BUD13: variants seen among roughly 807,000 people sequenced by gnomAD.
The protein encoded by BUD13 is BUD13 spliceosome associated protein, also known as BUD13 homolog.
A neutral mutation model predicts 62.5 loss-of-function variants in BUD13; 47 were observed. The observed-to-expected ratio is 0.75, with a 90% confidence interval of 0.60 to 0.96. The LOEUF is 0.96. Ranked by LOEUF, BUD13 falls within the 40% of genes least tolerant of loss-of-function variation. The pLI is 0.00. For synonymous variants in BUD13, 293 were observed against 280.1 expected, an observed-to-expected ratio of 1.05 and a Z score of -0.46; for missense variants, 821 against 790.9, an observed-to-expected ratio of 1.04 and a Z score of -0.46.
intron 9 of BUD13, among the ~76,000 whole-genome samples, chr11:116,755,183 G>A (rs1197354212): frequency 3.3e-5 from 5 of 152,168 alleles, no homozygotes; most frequent in African/African-American, 1.2e-4. Flanking sequence ...CTATTAAATG[G>A]AAATAGCTCA....
At chr11:116,758,495 C>A in intron 6 of BUD13, 88 bp from the exon 7 acceptor site, 1 of 1,451,376 alleles carries the variant, frequency 6.9e-7, no homozygotes, top group Non-Finnish European at 9.3e-7. Context: ...GATTCTAATG[C>A]TAGATAAGAA....
At chr11:116,764,938 C>T (rs146005394) in intron 3 of BUD13, among the ~76,000 whole-genome samples, 92 of 152,218 alleles carry the variant, frequency 6.0e-4, no homozygotes, top group African/African-American at 2.1e-3. Flanking sequence ...CTAACACAAA[C>T]AGAACAAAAT....
chr11:116,772,624 A>G (rs1940650645), intron 1 of BUD13, among the ~76,000 whole-genome samples, 198 bp downstream of exon 1: 1 of 152,234 alleles, frequency 6.6e-6, no homozygotes, highest in African/African-American at 2.4e-5. Context: ...TACTGCTCAG[A>G]GGCTCGAGAT....
At chr11:116,760,229 G>A (rs1462798453) in intron 5 of BUD13, among the ~76,000 whole-genome samples, 1 of 152,180 alleles carries the variant, frequency 6.6e-6, no homozygotes, top group East Asian at 1.9e-4. Flanking sequence ...TGTGCTAAGA[G>A]TTTTACTTAC....
At position 116,757,931 on chromosome 11, in the gene BUD13, G is replaced by A. The variant is rs923926349; in HGVS notation, c.1519C>T (p.Gln507Ter). ...WGKGLAQSRQQQQNVEDAMKE... is the reference protein window; with the variant it reads ...WGKGLAQSRQ ...ATTGCATCCTCCACATTTTGTTGCTGTTGCCGGCTCTGGGCAAGCCTGGGC... is the reference window on the plus strand; with the variant it reads ...ATTGCATCCTCCACATTTTGTTGCTATTGCCGGCTCTGGGCAAGCCTGGGC... Residue 507 changes from glutamine to a stop codon, truncating the protein, a stop_gained, in exon 8 of 10, where the codon CAG becomes TAG. Transcript: ENST00000260210. LOFTEE classifies it high-confidence loss of function. 3 of 1,613,858 alleles carry A rather than the reference G, an allele frequency of 1.9e-6. No homozygotes were observed. The highest frequency in any genetic ancestry group is 2.7e-5 in the African/African-American group (2 of 74,906).
intron 9 of BUD13, among the ~76,000 whole-genome samples, chr11:116,751,904 A>C (rs952170450): frequency 1.8e-4 from 27 of 152,188 alleles, no homozygotes; most frequent in Non-Finnish European, 2.9e-5. Flanking sequence ...TTTCTCAGGG[A>C]AATTGCATGA....
chr11:116,772,677 G>GTGAGTGGGGCCCTGAGCA, intron 1 of BUD13, 145 bp downstream of exon 1: 1 of 1,176,806 alleles, frequency 8.5e-7, no homozygotes, highest in Non-Finnish European at 1.1e-6. Flanking sequence ...CTCAAGCGAT[G>GTGAGTGGGGCCCTGAGCA]TGAGTGGGGC....
chr11:116,761,019 C>CCAGCCATAGGAGATT, intron 4 of BUD13, 67 bp from the exon 5 acceptor site: 2 of 1,318,584 alleles, frequency 1.5e-6, no homozygotes, highest in Non-Finnish European at 2.1e-6. Flanking sequence ...ATGAAATCTC[C>CCAGCCATAGGAGATT]TATGGCTGGG....
intron 9 of BUD13, 148 bp downstream of exon 9, chr11:116,756,998 A>C: frequency 1.4e-6 from 1 of 690,224 alleles, no homozygotes; most frequent in Non-Finnish European, 2.5e-6. Flanking sequence ...GAGAAATAGG[A>C]TTTGTGGACC....
chr11:116,757,057 G>A, intron 9 of BUD13, 89 bp downstream of exon 9: 1 of 1,254,304 alleles, frequency 8.0e-7, no homozygotes, highest in South Asian at 1.3e-5. Flanking sequence ...TGTGATTAAA[G>A]CAGAGAATGA....
Position 116,757,190 on chromosome 11 carries a change from G to C in BUD13, c.1722C>G (p.Asn574Lys). 6.2e-7 allele frequency: 1 copy of C among 1,614,254 alleles called. No homozygotes were observed. The highest frequency in any genetic ancestry group is 1.7e-5 in the Admixed American group (1 of 60,032). The stretch of plus-strand genomic sequence containing the variant: ...GATATCCAGGCCAGATATTAAATCT[G>C]TTGGGAGGAGGTGCTGGACCACTGT... ...PRYSGPAPPP[N>K]RFNIWPGYRW... is the part of the protein sequence containing the mutation. The change falls in exon 9 of 10, where the codon AAC becomes AAG. Residue 574 changes from asparagine to lysine, a missense_variant. By Grantham distance (94) the Asn-to-Lys change is moderately conservative. Around this residue, in one of 2 missense-constraint regions of BUD13, gnomAD observed 800 missense variants for 739.2 expected, o/e 1.08. Coordinates refer to ENST00000260210, the MANE Select transcript of BUD13 (RefSeq NM_032725.4).
At chr11:116,757,022 C>G (rs1453131884) in intron 9 of BUD13, 124 bp downstream of exon 9, 40 of 849,812 alleles carry the variant, frequency 4.7e-5, no homozygotes. Context: ...GAAAAAGAAG[C>G]AAGCAAAGTG....
intron 5 of BUD13, 146 bp from the exon 6 acceptor site, chr11:116,759,325 G>A: frequency 2.3e-5 from 13 of 573,830 alleles, no homozygotes; most frequent in South Asian, 5.5e-5. Flanking sequence ...AATTACCATA[G>A]GATTCAAAAA....
Position 116,771,581 on chromosome 11 carries a change from C to A in BUD13, c.143+1241G>T, listed in dbSNP as rs77082266. 3.9e-3 allele frequency among the ~76,000 whole-genome samples: 598 copies of A among 152,294 alleles called. 1 individual carries two copies. The highest frequency in any genetic ancestry group is 6.4e-3 in the Non-Finnish European group (438 of 68,022). On this transcript the variant is annotated intron_variant, in intron 1 of 9. Transcript: ENST00000260210. Reference sequence around the variant, plus strand: ...GAAACTGCAGCTCAGTGAGATGAAACACCTTGCCCAAGGGTACACAGCCTA... The same window carrying A: ...GAAACTGCAGCTCAGTGAGATGAAAAACCTTGCCCAAGGGTACACAGCCTA...
At chr11:116,762,360 G>A (rs985789746) in intron 4 of BUD13, among the ~76,000 whole-genome samples, 193 bp downstream of exon 4, 1 of 152,164 alleles carries the variant, frequency 6.6e-6, no homozygotes, top group Non-Finnish European at 1.5e-5. Context: ...ATGGGGTGGA[G>A]CGAGCACATA....
At chr11:116,752,344 C>T (rs371248752) in intron 9 of BUD13, among the ~76,000 whole-genome samples, 27 of 151,036 alleles carry the variant, frequency 1.8e-4, no homozygotes, top group African/African-American at 6.1e-4. Context: ...TGCAGCAGGC[C>T]GAAAAGAGAC....
At position 116,770,469 on chromosome 11, in the gene BUD13, T is replaced by C. The variant is rs181315084; in HGVS notation, c.144-247A>G. ...TTTCACATATGCAGTTCCTTCCCTC[T>C]GCCTGATCTACTCTTTTCAATCTTT... On this transcript the variant is annotated intron_variant, in intron 1 of 9. Transcript: ENST00000260210. Among the ~76,000 whole-genome samples, 109 of 152,114 alleles carry C rather than the reference T, an allele frequency of 7.2e-4. 1 individual carries two copies. In the East Asian group the frequency reaches 0.016, roughly 23 times the overall value.
chr11:116,770,073 A>AAT, intron 2 of BUD13, 56 bp downstream of exon 2: 2 of 1,352,470 alleles, frequency 1.5e-6, no homozygotes, highest in Non-Finnish European at 2.0e-6. Context: ...AAAAAAAAAA[A>AAT]GGAAATTGAG....
At chr11:116,757,034 A>AT in intron 9 of BUD13, 112 bp downstream of exon 9, 1 of 1,005,408 alleles carries the variant, frequency 9.9e-7, no homozygotes, top group Non-Finnish European at 1.5e-6. Flanking sequence ...AGCAAAGTGC[A>AT]TATTTTTCAC....
Sources: gnomAD v4.1 joint callset for allele counts (sites outside exome capture counted in the v4.1 genomes callset) on GRCh38, gnomAD v4.1.1 for gene constraint, gnomAD v4.1.1 regional missense constraint, MANE v1.5 for transcripts, NCBI Gene and HGNC (gene_info 2026-07-23, HGNC 2026-07-21) for gene names.